STAU2: variants seen among roughly 807,000 people sequenced by gnomAD.
STAU2 encodes the protein double-stranded RNA-binding protein Staufen homolog 2.
A neutral mutation model predicts 65.9 loss-of-function variants in STAU2; 20 were observed. That is an observed-to-expected ratio of 0.30 (90% CI 0.21 to 0.44). The LOEUF is 0.44. Ranked by LOEUF, STAU2 falls within the 20% of genes least tolerant of loss-of-function variation. The probability of loss-of-function intolerance (pLI) is 1.00; values close to 1 mark genes in which losing one functional copy is unlikely to be tolerated. For synonymous variants in STAU2, 232 were observed against 233.9 expected (o/e 0.99, Z 0.07); for missense variants, 558 against 683.9 (o/e 0.82, Z 2.05).
intron 4 of STAU2, among the ~76,000 whole-genome samples, chr8:73,691,301 T>G (rs183496870): frequency 6.6e-6 from 1 of 152,340 alleles, no homozygotes; most frequent in East Asian, 1.9e-4. Context: ...CAAACCTCAT[T>G]AGTTTCGTTT....
chr8:73,703,315 A>G (rs1018136717), intron 4 of STAU2, among the ~76,000 whole-genome samples: 1 of 152,090 alleles, frequency 6.6e-6, no homozygotes, highest in Admixed American at 6.6e-5. Context: ...TTACCATATG[A>G]CATGCCTTTT....
intron 12 of STAU2, chr8:73,561,275 A>G (rs997115880): frequency 2.7e-5 from 9 of 329,230 alleles, no homozygotes; most frequent in Non-Finnish European, 4.7e-5. Flanking sequence ...CATCTTAATA[A>G]TAAGGAAGAT....
chr8:73,609,074 G>A (rs1812247464), intron 9 of STAU2, among the ~76,000 whole-genome samples: 2 of 152,144 alleles, frequency 1.3e-5, no homozygotes, highest in African/African-American at 4.8e-5. Context: ...GGAGAAAGAG[G>A]TTTAGAAGGG....
chr8:73,487,645 C>T (rs1272598974), intron 13 of STAU2, among the ~76,000 whole-genome samples: 2 of 151,988 alleles, frequency 1.3e-5, no homozygotes, highest in Admixed American at 6.6e-5. Context: ...CCACATAAGG[C>T]ATCTTGGGAC....
intron 13 of STAU2, among the ~76,000 whole-genome samples, chr8:73,454,835 A>G (rs1818976837): frequency 6.6e-6 from 1 of 152,214 alleles, no homozygotes; most frequent in African/African-American, 2.4e-5. Context: ...AAATGACTTT[A>G]TAGTAAAGCC....
At chr8:73,608,194 T>C (rs2129775506) in intron 9 of STAU2, among the ~76,000 whole-genome samples, 1 of 152,302 alleles carries the variant, frequency 6.6e-6, no homozygotes, top group South Asian at 2.1e-4. Context: ...GATCATTTGG[T>C]GTCAAGAGTA....
rs11985231 is a variant in STAU2, at chr8:73,639,635, C to T, written c.411-22184G>A. ...AAACTAAAAATTACACTGAAAAGGA[C>T]GTGTTTAGCACCGTAGAGGCTCCTA... On this transcript the variant is annotated intron_variant, in intron 6 of 14. Transcript: ENST00000524300. 3.2e-3 allele frequency among the ~76,000 whole-genome samples: 486 copies of T among 152,178 alleles called. 1 individual carries two copies. The highest frequency in any genetic ancestry group is 0.011 in the African/African-American group (448 of 41,546).
At chr8:73,681,572 C>G (rs932486623) in intron 5 of STAU2, among the ~76,000 whole-genome samples, 7 of 151,712 alleles carry the variant, frequency 4.6e-5, no homozygotes, top group African/African-American at 1.7e-4. Flanking sequence ...AAAAAACAGA[C>G]AAAAGGTATT....
intron 4 of STAU2, among the ~76,000 whole-genome samples, chr8:73,689,451 A>T (rs1819171655): frequency 6.6e-6 from 1 of 152,134 alleles, no homozygotes; most frequent in Non-Finnish European, 1.5e-5. Flanking sequence ...TATCTTTCTA[A>T]AACACAAATC....
intron 5 of STAU2, among the ~76,000 whole-genome samples, chr8:73,678,479 G>A (rs189326109): frequency 4.6e-5 from 7 of 151,972 alleles, no homozygotes; most frequent in East Asian, 1.9e-4. Flanking sequence ...CCTACTTTTC[G>A]GTCAAGGCCT....
At chr8:73,617,134 G>T (rs113700566) in intron 7 of STAU2, among the ~76,000 whole-genome samples, 158 bp downstream of exon 7, 10 of 152,308 alleles carry the variant, frequency 6.6e-5, no homozygotes, top group African/African-American at 2.4e-4. Flanking sequence ...GCTCTGAAAG[G>T]TAGTCACCCT....
intron 10 of STAU2, among the ~76,000 whole-genome samples, chr8:73,603,202 A>C (rs1183566579): frequency 6.6e-6 from 1 of 152,214 alleles, no homozygotes; most frequent in Non-Finnish European, 1.5e-5. Context: ...CTGCCAATAC[A>C]CTAGCAGCCA....
chr8:73,702,488 T>C (rs1484844141), intron 4 of STAU2, among the ~76,000 whole-genome samples: 1 of 152,134 alleles, frequency 6.6e-6, no homozygotes, highest in Non-Finnish European at 1.5e-5. Flanking sequence ...TTGTATGCAT[T>C]GGGTATACCA....
At chr8:73,669,718 A>G (rs796113003) in intron 6 of STAU2, among the ~76,000 whole-genome samples, 12 of 151,766 alleles carry the variant, frequency 7.9e-5, no homozygotes, top group African/African-American at 2.9e-4. Flanking sequence ...GTCTTTATCA[A>G]AAGCAACCTT....
intron 13 of STAU2, among the ~76,000 whole-genome samples, chr8:73,472,717 G>T (rs1820100451): frequency 6.6e-6 from 1 of 151,820 alleles, no homozygotes; most frequent in African/African-American, 2.4e-5. Context: ...AAGTTGCAGT[G>T]GATTTGGTTC....
At chr8:73,490,023 T>G (rs2128914842) in intron 13 of STAU2, among the ~76,000 whole-genome samples, 1 of 152,196 alleles carries the variant, frequency 6.6e-6, no homozygotes, top group African/African-American at 2.4e-5. Flanking sequence ...CTACTTTTAC[T>G]ACTACAACCT....
At chr8:73,637,675 T>C (rs576161330) in intron 6 of STAU2, among the ~76,000 whole-genome samples, 2 of 151,642 alleles carry the variant, frequency 1.3e-5, no homozygotes, top group Admixed American at 6.6e-5. Context: ...TGAAGAGAAG[T>C]AAAGCCAGAC....
chr8:73,450,310 GA>G (rs1252331586), intron 13 of STAU2, among the ~76,000 whole-genome samples: 1 of 152,114 alleles, frequency 6.6e-6, no homozygotes, highest in African/African-American at 2.4e-5. Flanking sequence ...CATAACTTAG[GA>G]AAATTGCACA....
intron 13 of STAU2, among the ~76,000 whole-genome samples, chr8:73,520,768 G>A (rs868079585): frequency 2.0e-5 from 3 of 152,300 alleles, no homozygotes; most frequent in Middle Eastern, 3.4e-3. Context: ...AGGATGAAGT[G>A]GAGGATGTCA....
Sources: gnomAD v4.1 joint callset for allele counts (sites outside exome capture counted in the v4.1 genomes callset) on GRCh38, gnomAD v4.1.1 for gene constraint, MANE v1.5 for transcripts, NCBI Gene and HGNC (gene_info 2026-07-23, HGNC 2026-07-21) for gene names.